The following DLG2 variants were observed in gnomAD, a reference collection of about 807,000 sequenced individuals.
DLG2 encodes the protein disks large homolog 2.
DLG2 carries 45 observed loss-of-function variants against 132.5 expected under a neutral mutation model. That is an observed-to-expected ratio of 0.34 (90% CI 0.27 to 0.44). DLG2 has a LOEUF of 0.44. Ranked by LOEUF, DLG2 falls within the 20% of genes least tolerant of loss-of-function variation. The probability of loss-of-function intolerance (pLI) is 1.00; values close to 1 mark genes in which losing one functional copy is unlikely to be tolerated. For synonymous variants in DLG2, 424 were observed against 419.6 expected (o/e 1.01, Z -0.13); for missense variants, 1,045 against 1,196.9 (o/e 0.87, Z 1.87).
chr11:84,322,544 T>C (rs1317214842), intron 7 of DLG2, among the ~76,000 whole-genome samples: 1 of 151,958 alleles, frequency 6.6e-6, no homozygotes, highest in Non-Finnish European at 1.5e-5. Context: ...AACTCCAAAG[T>C]CATATTAATT....
intron 6 of DLG2, among the ~76,000 whole-genome samples, chr11:84,878,221 C>G (rs1055448802): frequency 6.6e-6 from 1 of 152,124 alleles, no homozygotes; most frequent in African/African-American, 2.4e-5. Flanking sequence ...GGTATATACC[C>G]AAAGAATTAT....
At chr11:84,292,907 G>A (rs2098025555) in intron 7 of DLG2, among the ~76,000 whole-genome samples, 1 of 151,942 alleles carries the variant, frequency 6.6e-6, no homozygotes, top group African/African-American at 2.4e-5. Context: ...AATAGCTAAT[G>A]AGCTAAAAAA....
At chr11:85,199,305 C>T (rs1441655876) in intron 4 of DLG2, among the ~76,000 whole-genome samples, 2 of 152,142 alleles carry the variant, frequency 1.3e-5, no homozygotes, top group Admixed American at 1.3e-4. Flanking sequence ...CCAATGCACA[C>T]ATATTTTATG....
intron 6 of DLG2, among the ~76,000 whole-genome samples, chr11:84,860,332 C>T (rs1273879081): frequency 6.6e-6 from 1 of 151,974 alleles, no homozygotes; most frequent in Non-Finnish European, 1.5e-5. Flanking sequence ...AACACTAATC[C>T]CAGTGGGGAC....
chr11:83,890,291 T>C (rs1044793826), intron 15 of DLG2, among the ~76,000 whole-genome samples: 3 of 152,130 alleles, frequency 2.0e-5, no homozygotes, highest in African/African-American at 7.2e-5. Context: ...TAACACACTC[T>C]GATTTTTATT....
At chr11:84,047,898 T>G (rs1223772773) in intron 11 of DLG2, among the ~76,000 whole-genome samples, 4 of 151,592 alleles carry the variant, frequency 2.6e-5, no homozygotes, top group Non-Finnish European at 4.4e-5. Flanking sequence ...CAGTGGGAAT[T>G]ACAGTGGCAA....
intron 18 of DLG2, among the ~76,000 whole-genome samples, chr11:83,681,177 A>T (rs1228760345): frequency 6.6e-6 from 1 of 152,184 alleles, no homozygotes; most frequent in Non-Finnish European, 1.5e-5. Context: ...CTATTGCAAA[A>T]AAAAGTACGT....
chr11:83,648,672 T>C (rs1477398427), intron 18 of DLG2, among the ~76,000 whole-genome samples: 1 of 152,132 alleles, frequency 6.6e-6, no homozygotes, highest in Non-Finnish European at 1.5e-5. Context: ...TGTGAATATA[T>C]GGGATTAATA....
chr11:85,371,913 A>G (rs776557540), intron 3 of DLG2, among the ~76,000 whole-genome samples: 2 of 152,250 alleles, frequency 1.3e-5, no homozygotes, highest in Non-Finnish European at 2.9e-5. Context: ...GGCCAAGTAT[A>G]AGACTAAAGT....
At chr11:83,803,068 G>T (rs954781788) in intron 17 of DLG2, among the ~76,000 whole-genome samples, 1 of 152,062 alleles carries the variant, frequency 6.6e-6, no homozygotes, top group African/African-American at 2.4e-5. Flanking sequence ...GGCAAAAGGG[G>T]TTATGTAGGC....
At chr11:85,392,880 A>T (rs1222042530) in intron 3 of DLG2, among the ~76,000 whole-genome samples, 1 of 152,204 alleles carries the variant, frequency 6.6e-6, no homozygotes, top group East Asian at 1.9e-4. Flanking sequence ...ATTCTAGAAG[A>T]TAACATCGGA....
intron 6 of DLG2, among the ~76,000 whole-genome samples, chr11:84,690,585 C>T (rs1044302995): frequency 5.9e-5 from 9 of 151,758 alleles, no homozygotes; most frequent in Admixed American, 2.6e-4. Context: ...GAATTTTCCC[C>T]AAGATATATG....
At chr11:85,039,704 TA>T (rs35111618) in intron 6 of DLG2, among the ~76,000 whole-genome samples, 28,281 of 150,978 alleles carry the variant, frequency 0.19, 2,864 homozygotes, top group South Asian at 0.29. Context: ...CAAAAATGGA[TA>T]AAAAAAAAGT....
intron 21 of DLG2, among the ~76,000 whole-genome samples, chr11:83,511,862 C>T (rs1042181711): frequency 5.3e-5 from 8 of 152,010 alleles, no homozygotes; most frequent in Middle Eastern, 6.8e-3. Context: ...CTGCACCTGG[C>T]TTAAAAGCTT....
chr11:84,923,125 A>C, intron 6 of DLG2: 1 of 1,613,866 alleles, frequency 6.2e-7, no homozygotes, highest in Non-Finnish European at 8.5e-7. Flanking sequence ...ACATTGCAGT[A>C]AATAAGGAGC....
chr11:85,004,788 G>T (rs2058508463), intron 6 of DLG2, among the ~76,000 whole-genome samples: 1 of 152,082 alleles, frequency 6.6e-6, no homozygotes. Flanking sequence ...CTTCAGTCAT[G>T]AAATCTTTGC....
intron 3 of DLG2, among the ~76,000 whole-genome samples, chr11:85,357,503 G>C (rs2083800075): frequency 6.8e-6 from 1 of 146,656 alleles, no homozygotes; most frequent in African/African-American, 2.5e-5. Context: ...TAAGTAGTTG[G>C]AGGTGGCACT....
At position 84,944,080 on chromosome 11, in the gene DLG2, G is replaced by A. The variant is rs181404768; in HGVS notation, c.357+167581C>T. Among the ~76,000 whole-genome samples, 230 of 152,110 alleles carry A rather than the reference G, an allele frequency of 1.5e-3. 1 individual carries two copies. The highest frequency in any genetic ancestry group is 4.9e-3 in the African/African-American group (204 of 41,512). On this transcript the variant is annotated intron_variant, in intron 6 of 27. Transcript: ENST00000376104. ...TCTCCCAGCCTGTAAAGATTCTACC[G>A]AGAAATCTGCTGCCAGATGTATTGA... is the stretch of plus-strand genomic sequence containing the variant.
intron 21 of DLG2, among the ~76,000 whole-genome samples, chr11:83,521,036 C>A (rs908312102): frequency 6.6e-6 from 1 of 152,204 alleles, no homozygotes; most frequent in African/African-American, 2.4e-5. Context: ...AGAGCATGGG[C>A]AAAGGCTCAG....
Sources: gnomAD v4.1 joint callset for allele counts (sites outside exome capture counted in the v4.1 genomes callset) on GRCh38, gnomAD v4.1.1 for gene constraint, MANE v1.5 for transcripts, NCBI Gene and HGNC (gene_info 2026-07-23, HGNC 2026-07-21) for gene names.